The following MAST4 variants were observed in gnomAD, a reference collection of about 807,000 sequenced individuals.
The protein encoded by MAST4 is microtubule associated serine/threonine kinase family member 4.
MAST4 carries 89 observed loss-of-function variants against 162.7 expected under a neutral mutation model. That is an observed-to-expected ratio of 0.55 (90% confidence interval 0.46 to 0.65). The LOEUF is 0.65. Ranked by LOEUF, MAST4 falls within the 30% of genes least tolerant of loss-of-function variation. The pLI is 0.00. For synonymous variants in MAST4, 1,479 were observed against 1,361.1 expected, an observed-to-expected ratio of 1.09 and a Z score of -1.91; for missense variants, 3,153 against 3,374.0, an observed-to-expected ratio of 0.93 and a Z score of 1.62.
At chr5:66,988,397 A>G (rs998411062) in intron 4 of MAST4, among the ~76,000 whole-genome samples, 3 of 152,182 alleles carry the variant, frequency 2.0e-5, no homozygotes, top group African/African-American at 4.8e-5. Flanking sequence ...ACAGCTTCCA[A>G]TGGGCAAGCA....
At chr5:67,062,058 G>C (rs1759682375) in intron 5 of MAST4, among the ~76,000 whole-genome samples, 1 of 152,126 alleles carries the variant, frequency 6.6e-6, no homozygotes, top group Non-Finnish European at 1.5e-5. Context: ...GAACAATTTA[G>C]TCATTAGAGA....
rs753531147 is a variant in MAST4, at chr5:66,673,523, GTTTTTTGT to G, written c.363+76512_363+76519del. Among the ~76,000 whole-genome samples, 1,164 of 131,308 alleles carry G rather than the reference GTTTTTTGT, an allele frequency of 8.9e-3. 6 individuals carry two copies. Among genetic ancestry groups the G allele is most frequent in the Admixed American group, 0.013 (152 of 11,426 alleles). The allele number at this position is 131,308 out of a possible 152,430, so 86.1% of individuals were successfully genotyped here. A position where few individuals can be genotyped will look rare whatever the true frequency, so the allele number is the denominator to read the frequency against. ...AATACGCTAGTTTTTTTTGTTTTTT[GTTTTTTGT>G]TTTTTTTTTTTTTGAGACAGAGTCT... On this transcript the variant is annotated intron_variant, in intron 1 of 28. Coordinates refer to ENST00000403625, the MANE Select transcript of MAST4 (RefSeq NM_001164664.2).
Position 66,905,302 on chromosome 5 carries a change from CAAAAAA to C in MAST4, c.674+5341_674+5346del, listed in dbSNP as rs60337775. Reference sequence around the variant, plus strand: ...TGGGCAACAGAGTGAAACTCTGTCTCAAAAAAAAAAAAAAAAAAAAAAAAAATGGGA... The same window carrying C: ...TGGGCAACAGAGTGAAACTCTGTCTCAAAAAAAAAAAAAAAAAAAATGGGA... On this transcript the variant is annotated intron_variant, in intron 4 of 28. Coordinates refer to ENST00000403625, the MANE Select transcript of MAST4 (RefSeq NM_001164664.2). 9.8e-3 allele frequency among the ~76,000 whole-genome samples: 772 copies of C among 78,428 alleles called. 3 individuals are homozygous for C. Among genetic ancestry groups the C allele is most frequent in the Non-Finnish European group, 0.015 (646 of 42,290 alleles). The allele number at this position is 78,428 out of a possible 152,430, so 51.5% of individuals were successfully genotyped here.
chr5:67,044,723 A>G (rs1757165345), intron 4 of MAST4, among the ~76,000 whole-genome samples: 1 of 152,158 alleles, frequency 6.6e-6, no homozygotes, highest in Non-Finnish European at 1.5e-5. Context: ...ATGTTAACCA[A>G]GCTGGTTTCA....
chr5:67,114,283 C>CT (rs1766617635), intron 12 of MAST4, 64 bp downstream of exon 12: 2 of 1,541,640 alleles, frequency 1.3e-6, no homozygotes, highest in African/African-American at 1.4e-5. Flanking sequence ...TAGAAGAAAT[C>CT]TAAGTGGCAA....
At chr5:67,138,438 T>G (rs1417289206) in intron 19 of MAST4, among the ~76,000 whole-genome samples, 1 of 151,998 alleles carries the variant, frequency 6.6e-6, no homozygotes, top group Admixed American at 6.6e-5. Flanking sequence ...TGGGGTGGTT[T>G]GTTTGTTTGT....
At chr5:67,137,163 G>C (rs1769766415) in intron 19 of MAST4, among the ~76,000 whole-genome samples, 2 of 152,170 alleles carry the variant, frequency 1.3e-5, no homozygotes, top group African/African-American at 4.8e-5. Context: ...GTCTGGGGTT[G>C]AACCATGCTG....
At chr5:66,716,346 A>G (rs10042694) in intron 1 of MAST4, among the ~76,000 whole-genome samples, 2,216 of 151,874 alleles carry the variant, frequency 0.015, 54 homozygotes, top group African/African-American at 0.05. Context: ...ATGTGTGTGT[A>G]TGTGTGTATG....
intron 5 of MAST4, among the ~76,000 whole-genome samples, chr5:67,078,952 G>A (rs78753765): frequency 0.1 from 2,464 of 23,920 alleles, 205 homozygotes; most frequent in African/African-American, 0.34. Flanking sequence ...ATATATATAT[G>A]GCAATCTGAT....
At chr5:67,006,216 C>A (rs1047558685) in intron 4 of MAST4, among the ~76,000 whole-genome samples, 1 of 152,216 alleles carries the variant, frequency 6.6e-6, no homozygotes, top group Admixed American at 6.5e-5. Flanking sequence ...AGAGAGACAT[C>A]TGGCAGGTTT....
At position 67,133,577 on chromosome 5, in the gene MAST4, A is replaced by G; in HGVS notation, c.2157A>G (p.Leu719=). The G allele has an allele frequency of 6.2e-7, 1 of 1,613,494 alleles. No homozygotes were observed. Among genetic ancestry groups the G allele is most frequent in the South Asian group, 1.1e-5 (1 of 91,068 alleles). ...ATTTTGGATTATCTAAGGTGGGACT[A>G]ATGAGCATGACTACCAACCTTTACG... ...LTDFGLSKVG[L]MSMTTNLYEG... is the part of the protein sequence containing the mutation. The change falls in exon 17 of 29, where the codon CTA becomes CTG. Residue 719 remains leucine, a synonymous_variant. Coordinates refer to ENST00000403625, the MANE Select transcript of MAST4 (RefSeq NM_001164664.2).
intron 5 of MAST4, among the ~76,000 whole-genome samples, chr5:67,077,517 G>C (rs977630058): frequency 6.6e-6 from 1 of 152,168 alleles, no homozygotes; most frequent in Non-Finnish European, 1.5e-5. Flanking sequence ...AGTATTGCCA[G>C]CTGGCCCCTG....
At chr5:66,862,424 T>C (rs1198450105) in intron 3 of MAST4, among the ~76,000 whole-genome samples, 1 of 152,194 alleles carries the variant, frequency 6.6e-6, no homozygotes, top group Non-Finnish European at 1.5e-5. Context: ...TTTTTGGAGC[T>C]TCAGTCAGTA....
chr5:67,021,967 A>T (rs757980359), intron 4 of MAST4, among the ~76,000 whole-genome samples: 9 of 152,124 alleles, frequency 5.9e-5, no homozygotes, highest in Non-Finnish European at 1.2e-4. Flanking sequence ...GTTCTCCTTG[A>T]TTCTCTCTGT....
chr5:66,999,152 T>C (rs557696601), intron 4 of MAST4, among the ~76,000 whole-genome samples: 2 of 152,286 alleles, frequency 1.3e-5, no homozygotes, highest in African/African-American at 4.8e-5. Context: ...TCTCCTTCTT[T>C]TGCATGACCC....
intron 4 of MAST4, among the ~76,000 whole-genome samples, chr5:66,945,467 G>C (rs79986931): frequency 0.017 from 2,519 of 152,248 alleles, 37 homozygotes; most frequent in Non-Finnish European, 0.027. Flanking sequence ...GTTATCTTCA[G>C]ATTCATCCAG....
intron 4 of MAST4, among the ~76,000 whole-genome samples, chr5:67,015,977 T>C (rs925060512): frequency 1.8e-4 from 28 of 152,342 alleles, no homozygotes; most frequent in African/African-American, 6.5e-4. Flanking sequence ...TGCCAAATAT[T>C]TATTGAGTAC....
At chr5:66,816,228 CT>C (rs964973303) in intron 3 of MAST4, among the ~76,000 whole-genome samples, 6 of 148,214 alleles carry the variant, frequency 4.0e-5, no homozygotes, top group African/African-American at 4.9e-5. Flanking sequence ...TTTTGTGATT[CT>C]TTTTTTTTTA....
chr5:67,015,106 A>G (rs938416652), intron 4 of MAST4, among the ~76,000 whole-genome samples: 8 of 152,222 alleles, frequency 5.3e-5, no homozygotes, highest in African/African-American at 1.9e-4. Flanking sequence ...AAACATATTC[A>G]GAAATGTTGT....
Sources: allele counts gnomAD v4.1 joint callset (sites outside exome capture counted in the v4.1 genomes callset), GRCh38; gene constraint gnomAD v4.1.1; transcripts MANE v1.5; gene names NCBI Gene and HGNC (gene_info 2026-07-23, HGNC 2026-07-21).